ROR2: variants seen among roughly 807,000 people sequenced by gnomAD.
ROR2 encodes the protein ROR family WNT receptor 2.
In ROR2, 33 loss-of-function variants were observed where a neutral mutation model predicts 74.9. The observed-to-expected ratio is 0.44, with a 90% CI of 0.33 to 0.59. ROR2 has a LOEUF of 0.59. Among genes scored for constraint, ROR2 ranks in the 20% least tolerant of loss-of-function variants. The pLI is 0.02. For synonymous variants in ROR2, 586 were observed against 558.7 expected (o/e 1.05, Z -0.69); for missense variants, 1,216 against 1,313.8 (o/e 0.93, Z 1.15).
intron 1 of ROR2, among the ~76,000 whole-genome samples, chr9:91,867,246 C>T (rs146100991): frequency 6.6e-6 from 1 of 152,282 alleles, no homozygotes; most frequent in East Asian, 1.9e-4. Flanking sequence ...ATATCTTTCC[C>T]CACTAAAAGA....
chr9:91,798,319 GCTGACGCCCTGGGCTAGTGAGTGGA>G (rs1827247416), intron 1 of ROR2, among the ~76,000 whole-genome samples: 1 of 130,418 alleles, frequency 7.7e-6, no homozygotes. Flanking sequence ...TGTGGGTGCG[GCTGACGCCCTGGGCTAGTGAGTGGA>G]GCTGACACCC....
chr9:91,878,803 C>T (rs758637360), intron 1 of ROR2, among the ~76,000 whole-genome samples: 6 of 152,324 alleles, frequency 3.9e-5, no homozygotes, highest in East Asian at 1.9e-4. Flanking sequence ...GGGGGCCGGG[C>T]GCAGTGGCTC....
intron 1 of ROR2, among the ~76,000 whole-genome samples, chr9:91,936,195 G>C (rs1831682094): frequency 6.6e-6 from 1 of 152,214 alleles, no homozygotes; most frequent in African/African-American, 2.4e-5. Flanking sequence ...AGCTGCACTT[G>C]ATCCACAGGC....
At chr9:91,912,555 T>C (rs940982371) in intron 1 of ROR2, among the ~76,000 whole-genome samples, 3 of 152,188 alleles carry the variant, frequency 2.0e-5, no homozygotes, top group African/African-American at 7.2e-5. Context: ...ATTAAAAGTA[T>C]GCTTCTGTGT....
At chr9:91,939,533 C>T (rs1434669097) in intron 1 of ROR2, among the ~76,000 whole-genome samples, 2 of 152,118 alleles carry the variant, frequency 1.3e-5, no homozygotes, top group Non-Finnish European at 2.9e-5. Flanking sequence ...CCTCGTTTAA[C>T]TGGGGCGTTC....
intron 2 of ROR2, among the ~76,000 whole-genome samples, chr9:91,767,095 A>C (rs1372045672): frequency 7.3e-6 from 1 of 136,622 alleles, no homozygotes; most frequent in African/African-American, 2.6e-5. Context: ...TTTTTTTTTG[A>C]GGCGGAGGCT....
chr9:91,860,373 C>T (rs1234874224), intron 1 of ROR2, among the ~76,000 whole-genome samples: 1 of 152,090 alleles, frequency 6.6e-6, no homozygotes, highest in African/African-American at 2.4e-5. Context: ...GAAACGGTGG[C>T]TTGAGGGGGA....
At chr9:91,802,766 T>A (rs1220733905) in intron 1 of ROR2, among the ~76,000 whole-genome samples, 3 of 152,146 alleles carry the variant, frequency 2.0e-5, no homozygotes, top group Admixed American at 6.5e-5. Flanking sequence ...TGAGAGGTTT[T>A]CCTGGTCTCC....
chr9:91,947,392 A>G (rs919364188), intron 1 of ROR2, among the ~76,000 whole-genome samples: 2 of 152,216 alleles, frequency 1.3e-5, no homozygotes, highest in African/African-American at 2.4e-5. Context: ...ATACTGAAAA[A>G]TTTCAAATGT....
chr9:91,866,785 A>G (rs1174012787), intron 1 of ROR2, among the ~76,000 whole-genome samples: 1 of 152,198 alleles, frequency 6.6e-6, no homozygotes, highest in Non-Finnish European at 1.5e-5. Context: ...TAAGGCTAAC[A>G]GCTACCATAC....
intron 1 of ROR2, among the ~76,000 whole-genome samples, chr9:91,777,413 T>TCC (rs1826456599): frequency 6.7e-6 from 1 of 149,072 alleles, no homozygotes; most frequent in Non-Finnish European, 1.5e-5. Flanking sequence ...ACACACCCCA[T>TCC]CATCATCATC....
intron 1 of ROR2, among the ~76,000 whole-genome samples, chr9:91,803,475 G>A (rs1229005951): frequency 2.0e-5 from 3 of 152,192 alleles, no homozygotes; most frequent in African/African-American, 4.8e-5. Context: ...ACACAACAAC[G>A]TGAATGTATC....
At chr9:91,872,498 A>G (rs192950925) in intron 1 of ROR2, among the ~76,000 whole-genome samples, 1 of 152,130 alleles carries the variant, frequency 6.6e-6, no homozygotes, top group East Asian at 1.9e-4. Context: ...AATTTGTTCT[A>G]TTTTTTTCCT....
chr9:91,839,257 T>G (rs763118428), intron 1 of ROR2, among the ~76,000 whole-genome samples: 3 of 67,472 alleles, frequency 4.4e-5, no homozygotes, highest in African/African-American at 1.8e-4. Context: ...CGGGGGTGTG[T>G]GTGTGTGTGT....
At chr9:91,764,559 T>TACACACACACACACAC (rs11405599) in intron 2 of ROR2, among the ~76,000 whole-genome samples, 1,645 of 147,666 alleles carry the variant, frequency 0.011, 4 homozygotes, top group East Asian at 0.022. Context: ...TATAATCACT[T>TACACACACACACACAC]ACACACACAC....
chr9:91,923,033 G>A (rs1193687189), intron 1 of ROR2, among the ~76,000 whole-genome samples: 1 of 151,944 alleles, frequency 6.6e-6, no homozygotes, highest in Non-Finnish European at 1.5e-5. Flanking sequence ...CATACATAAA[G>A]CCTCTCCCTC....
intron 1 of ROR2, among the ~76,000 whole-genome samples, chr9:91,826,251 G>GCA (rs1828287430): frequency 6.6e-6 from 1 of 152,156 alleles, no homozygotes; most frequent in South Asian, 2.1e-4. Context: ...ACATGGTGCG[G>GCA]CATAGTGAAC....
Position 91,730,811 on chromosome 9 carries a change from G to A in ROR2, c.1183+99C>T, listed in dbSNP as rs145558792. 1.4e-4 allele frequency: 214 copies of A among 1,533,082 alleles called. No homozygotes were observed. In the East Asian group the frequency reaches 3.6e-3, roughly 26 times the overall value. 95.0% of individuals were successfully genotyped at this position (1,533,082 alleles called of 1,614,324 possible). A position where few individuals can be genotyped will look rare whatever the true frequency, so the allele number is the denominator to read the frequency against. ...AGATCAGGGGTCTCTGGTCGCCACC[G>A]TACAGAGGCACACCCCAACCCAGGT... On this transcript the variant is annotated intron_variant, in intron 7 of 8. Coordinates refer to ENST00000375708, the MANE Select transcript of ROR2 (RefSeq NM_004560.4).
At chr9:91,940,711 C>G (rs1305056442) in intron 1 of ROR2, among the ~76,000 whole-genome samples, 3 of 39,970 alleles carry the variant, frequency 7.5e-5, no homozygotes, top group Non-Finnish European at 1.1e-4. Flanking sequence ...CCTCCTGTCT[C>G]TGTCTCGGCC....
Sources: allele counts gnomAD v4.1 joint callset (sites outside exome capture counted in the v4.1 genomes callset), GRCh38; gene constraint gnomAD v4.1.1; transcripts MANE v1.5; gene names NCBI Gene and HGNC (gene_info 2026-07-23, HGNC 2026-07-21).